The following IL1RAPL2 variants were observed in gnomAD, a reference collection of about 807,000 sequenced individuals.
IL1RAPL2 encodes interleukin 1 receptor accessory protein like 2.
A neutral mutation model predicts 44.1 loss-of-function variants in IL1RAPL2; 3 were observed. The ratio of observed to expected loss-of-function variants is 0.07; its 90% CI spans 0.03 to 0.18. The LOEUF (loss-of-function observed/expected upper bound fraction) is 0.18. IL1RAPL2 is among the 10% of genes least tolerant of loss of function. IL1RAPL2 has a pLI of 1.00. For missense variants in IL1RAPL2, 391 were observed against 496.4 expected (o/e 0.79, Z 2.02); for synonymous variants, 181 against 178.8 (o/e 1.01, Z -0.10).
intron 5 of IL1RAPL2, among the ~76,000 whole-genome samples, chrX:105,378,736 C>T (rs964729041): frequency 1.8e-5 from 2 of 111,921 alleles, no homozygotes. Flanking sequence ...TTCAGTCAGC[C>T]ATTTACCTTC....
rs183471878 is a variant in IL1RAPL2, at chrX:105,589,335, G to A, written c.772+104948G>A. 2.5e-3 allele frequency among the ~76,000 whole-genome samples: 277 copies of A among 111,395 alleles called. 1 individual carries two copies. Among genetic ancestry groups the A allele is most frequent in the African/African-American group, 8.7e-3 (266 of 30,668 alleles). On this transcript the variant is annotated intron_variant, in intron 6 of 10. Coordinates refer to ENST00000372582, the MANE Select transcript of IL1RAPL2 (RefSeq NM_017416.2). ...AAAATTTTCTCCTATCCTGTAGGTT[G>A]TCTGTTTATTCTATTGATGGTTTCT...
At chrX:105,704,709 A>C in intron 6 of IL1RAPL2, among the ~76,000 whole-genome samples, 1 of 110,717 alleles carries the variant, frequency 9.0e-6, no homozygotes, top group Middle Eastern at 4.6e-3. Flanking sequence ...GGTTTGCTGC[A>C]CCTATCAACC....
At chrX:105,219,707 C>T (rs2033927720) in intron 3 of IL1RAPL2, 1 of 1,206,291 alleles carries the variant, frequency 8.3e-7, no homozygotes, top group African/African-American at 1.8e-5. Flanking sequence ...CCGGCAGTGG[C>T]CAGGCCTGGC....
intron 6 of IL1RAPL2, among the ~76,000 whole-genome samples, chrX:105,512,425 A>G (rs958016048): frequency 1.8e-4 from 20 of 111,446 alleles, no homozygotes; most frequent in Non-Finnish European, 3.0e-4. Context: ...CTTTTCTTTT[A>G]TTTGCCTCAT....
intron 6 of IL1RAPL2, among the ~76,000 whole-genome samples, chrX:105,613,387 T>C (rs1296424499): frequency 8.9e-6 from 1 of 112,250 alleles, no homozygotes; most frequent in Admixed American, 9.4e-5. Flanking sequence ...TCAAGTGAGA[T>C]TCAGCATATT....
chrX:105,747,774 A>T (rs1226171991), intron 8 of IL1RAPL2, among the ~76,000 whole-genome samples: 1 of 108,845 alleles, frequency 9.2e-6, no homozygotes. Flanking sequence ...GAATTGATCC[A>T]TCCAGGAAGA....
At chrX:105,651,823 G>A (rs911941116) in intron 6 of IL1RAPL2, among the ~76,000 whole-genome samples, 1 of 111,750 alleles carries the variant, frequency 8.9e-6, no homozygotes, top group Non-Finnish European at 1.9e-5. Flanking sequence ...CTGAAAGCAG[G>A]TGCACGCTTT....
At chrX:104,645,005 C>T (rs928847318) in intron 1 of IL1RAPL2, among the ~76,000 whole-genome samples, 2 of 111,502 alleles carry the variant, frequency 1.8e-5, no homozygotes, top group African/African-American at 6.5e-5. Flanking sequence ...GATCACCCAG[C>T]GTTTAACATA....
intron 2 of IL1RAPL2, among the ~76,000 whole-genome samples, chrX:105,032,359 C>CA (rs773443393): frequency 1.1e-3 from 122 of 107,622 alleles, no homozygotes; most frequent in African/African-American, 3.9e-3. Flanking sequence ...CTCTTGTGGG[C>CA]ATTTAGTGCT....
chrX:105,230,272 T>C (rs2147633976), intron 3 of IL1RAPL2, among the ~76,000 whole-genome samples: 1 of 110,747 alleles, frequency 9.0e-6, no homozygotes, highest in Admixed American at 9.7e-5. Flanking sequence ...CTCTCAGACC[T>C]ACATGGCTCT....
At chrX:105,743,971 TAAG>T (rs1162425755) in intron 8 of IL1RAPL2, among the ~76,000 whole-genome samples, 1 of 111,863 alleles carries the variant, frequency 8.9e-6, no homozygotes, top group African/African-American at 3.2e-5. Context: ...CTGAATTTTT[TAAG>T]AAGAGGGCTG....
At chrX:105,724,341 T>C in intron 7 of IL1RAPL2, among the ~76,000 whole-genome samples, 1 of 111,257 alleles carries the variant, frequency 9.0e-6, no homozygotes, top group Middle Eastern at 4.6e-3. Flanking sequence ...GATCAAATCC[T>C]GTCTAACATT....
rs966031321 is a variant in IL1RAPL2, at chrX:105,574,557, T to C, written c.772+90170T>C. Among the ~76,000 whole-genome samples, 8 of 112,019 alleles carry C rather than the reference T, an allele frequency of 7.1e-5. 1 individual carries two copies. The highest frequency in any genetic ancestry group is 6.6e-4 in the Admixed American group (7 of 10,577). On this transcript the variant is annotated intron_variant, in intron 6 of 10. Transcript: ENST00000372582. ...GATTCACAGCTCAATGACACTAGCT[T>C]TCCCAGAGCTGTCTTTCTTTAGTAG...
chrX:104,912,395 T>A (rs933348126), intron 2 of IL1RAPL2, among the ~76,000 whole-genome samples: 7 of 110,605 alleles, frequency 6.3e-5, no homozygotes, highest in Non-Finnish European at 1.1e-4. Context: ...TACCACATGT[T>A]TTTATGTGCC....
chrX:105,104,986 C>T (rs145302500), intron 2 of IL1RAPL2, among the ~76,000 whole-genome samples: 183 of 111,701 alleles, frequency 1.6e-3, no homozygotes, highest in Non-Finnish European at 2.8e-3. Context: ...TTGAAAGCCC[C>T]CTGATAACAA....
intron 2 of IL1RAPL2, among the ~76,000 whole-genome samples, chrX:105,103,957 AC>A (rs1488610231): frequency 1.8e-5 from 2 of 112,105 alleles, no homozygotes; most frequent in Non-Finnish European, 3.8e-5. Context: ...GTAAAAGTCT[AC>A]CCTGGTGGCT....
At chrX:105,440,325 A>G (rs1427899157) in intron 5 of IL1RAPL2, among the ~76,000 whole-genome samples, 1 of 112,257 alleles carries the variant, frequency 8.9e-6, no homozygotes. Context: ...AAGATGGCAT[A>G]ATTTAACTAT....
chrX:104,868,403 G>T (rs1012457171), intron 2 of IL1RAPL2, among the ~76,000 whole-genome samples: 1 of 111,720 alleles, frequency 9.0e-6, no homozygotes, highest in African/African-American at 3.3e-5. Flanking sequence ...CCTCTTTAGG[G>T]TATTAAATTA....
At chrX:105,262,149 G>A (rs1447001080) in intron 4 of IL1RAPL2, among the ~76,000 whole-genome samples, 8 of 111,987 alleles carry the variant, frequency 7.1e-5, no homozygotes. Context: ...AGTTTTTGGG[G>A]TAGTAGTTTT....
Sources: gnomAD v4.1 joint callset for allele counts (sites outside exome capture counted in the v4.1 genomes callset) on GRCh38, gnomAD v4.1.1 for gene constraint, MANE v1.5 for transcripts, NCBI Gene and HGNC (gene_info 2026-07-23, HGNC 2026-07-21) for gene names.